The following PCLO variants were observed in gnomAD, a reference collection of about 807,000 sequenced individuals.
PCLO encodes protein piccolo.
PCLO carries 82 observed loss-of-function variants against 427.5 expected under a neutral mutation model. That is an observed-to-expected ratio of 0.19 (90% CI 0.16 to 0.23). The LOEUF is 0.23. Among genes scored for constraint, PCLO ranks in the 10% least tolerant of loss-of-function variants. The pLI is 1.00. For missense variants in PCLO, 6,239 were observed against 6,115.9 expected (o/e 1.02, Z -0.67); for synonymous variants, 2,357 against 2,155.4 (o/e 1.09, Z -2.59).
intron 6 of PCLO, among the ~76,000 whole-genome samples, chr7:82,946,979 T>C (rs969709478): frequency 3.9e-5 from 6 of 152,166 alleles, no homozygotes; most frequent in East Asian, 3.9e-4. Flanking sequence ...ATCCAAACTT[T>C]GTAAGGCAGC....
At chr7:83,056,870 T>A (rs940291639) in intron 3 of PCLO, among the ~76,000 whole-genome samples, 4 of 152,014 alleles carry the variant, frequency 2.6e-5, no homozygotes, top group Non-Finnish European at 5.9e-5. Flanking sequence ...GTCGTAAACA[T>A]TCCTTAAATA....
chr7:82,783,149 T>G (rs1326194200), intron 22 of PCLO, among the ~76,000 whole-genome samples: 1 of 152,230 alleles, frequency 6.6e-6, no homozygotes, highest in Non-Finnish European at 1.5e-5. Context: ...ATGTGAGAAC[T>G]AAACAGGCTT....
intron 3 of PCLO, among the ~76,000 whole-genome samples, chr7:83,005,381 C>G (rs936544443): frequency 1.3e-5 from 2 of 151,568 alleles, no homozygotes; most frequent in African/African-American, 4.8e-5. Context: ...CTCACAGAAA[C>G]AGAGAGCAGA....
chr7:82,824,149 G>T, intron 19 of PCLO, 87 bp downstream of exon 19: 1 of 854,818 alleles, frequency 1.2e-6, no homozygotes, highest in Non-Finnish European at 1.8e-6. Context: ...TATTAATATA[G>T]GTTAAATGTA....
At chr7:82,780,856 T>C (rs1450503606) in intron 22 of PCLO, among the ~76,000 whole-genome samples, 1 of 152,178 alleles carries the variant, frequency 6.6e-6, no homozygotes, top group African/African-American at 2.4e-5. Flanking sequence ...AAGCTTGAAA[T>C]TGTAAAAATT....
chr7:82,861,922 A>T (rs896988256), intron 10 of PCLO, among the ~76,000 whole-genome samples: 2 of 152,004 alleles, frequency 1.3e-5, no homozygotes, highest in East Asian at 3.9e-4. Flanking sequence ...CTTGAAACAA[A>T]CGATAATGGA....
In PCLO at chr7:83,043,513, C is replaced by T. The variant is rs11971376; in HGVS notation, c.3301-77026G>A. ...TTGATTATGTACATCCTCTTAAATT[C>T]CAACAAGGCATAAAAATTGCCAAAA... On this transcript the variant is annotated intron_variant, in intron 3 of 24. Coordinates refer to ENST00000333891, the MANE Select transcript of PCLO (RefSeq NM_033026.6). Among the ~76,000 whole-genome samples, 1,261 of 152,264 alleles carry T rather than the reference C, an allele frequency of 8.3e-3. 13 individuals carry two copies. The highest frequency in any genetic ancestry group is 0.029 in the African/African-American group (1,193 of 41,552).
chr7:82,865,714 T>C (rs942701151), intron 10 of PCLO, among the ~76,000 whole-genome samples: 2 of 152,126 alleles, frequency 1.3e-5, no homozygotes, highest in Admixed American at 6.6e-5. Context: ...AATGAACATA[T>C]TGAGATCATT....
At chr7:83,113,137 T>C (rs1433434839) in intron 3 of PCLO, among the ~76,000 whole-genome samples, 1 of 152,216 alleles carries the variant, frequency 6.6e-6, no homozygotes, top group East Asian at 1.9e-4. Context: ...TACTTCCTAA[T>C]CGTTACAGCA....
intron 4 of PCLO, among the ~76,000 whole-genome samples, chr7:82,965,044 T>C (rs971442125): frequency 2.6e-5 from 4 of 152,080 alleles, no homozygotes; most frequent in African/African-American, 7.2e-5. Context: ...ATATCAGAGT[T>C]CCACTGAAAA....
At chr7:82,760,559 A>G in intron 24 of PCLO, 80 bp downstream of exon 24, 1 of 900,544 alleles carries the variant, frequency 1.1e-6, no homozygotes, top group Non-Finnish European at 1.7e-6. Flanking sequence ...TGATCAGTAT[A>G]TAAATATTGA....
In PCLO at chr7:82,968,579, G is replaced by A. The variant is rs547982973; in HGVS notation, c.3301-2092C>T. On this transcript the variant is annotated intron_variant, in intron 3 of 24. Coordinates refer to ENST00000333891, the MANE Select transcript of PCLO (RefSeq NM_033026.6). ...TTTGTCACCAGGCTGGAGTGCAGTG[G>A]CTTGATCTTGGTTCACTGCAATCTC... 2.1e-4 allele frequency among the ~76,000 whole-genome samples: 30 copies of A among 145,764 alleles called. 1 individual carries two copies. Among genetic ancestry groups the A allele is most frequent in the Admixed American group, 7.0e-4 (10 of 14,256 alleles).
chr7:82,777,090 G>A, intron 22 of PCLO, among the ~76,000 whole-genome samples: 1 of 151,954 alleles, frequency 6.6e-6, no homozygotes, highest in Non-Finnish European at 1.5e-5. Flanking sequence ...ATTCTGGTAT[G>A]TTGTAACTTT....
intron 3 of PCLO, among the ~76,000 whole-genome samples, chr7:83,026,560 A>G (rs1307550072): frequency 6.6e-6 from 1 of 150,982 alleles, no homozygotes; most frequent in African/African-American, 2.4e-5. Context: ...ACAGAAAGTC[A>G]ACAAGGATAC....
At chr7:83,161,548 A>G (rs1792436755) in intron 1 of PCLO, among the ~76,000 whole-genome samples, 1 of 152,224 alleles carries the variant, frequency 6.6e-6, no homozygotes, top group South Asian at 2.1e-4. Context: ...CATATTACTG[A>G]TTAGCTCTTA....
intron 16 of PCLO, among the ~76,000 whole-genome samples, chr7:82,829,858 T>G (rs1486830692): frequency 6.6e-6 from 1 of 152,228 alleles, no homozygotes; most frequent in African/African-American, 2.4e-5. Flanking sequence ...TACATTGTGA[T>G]ATATTCATTT....
chr7:83,009,396 C>G (rs1788024627), intron 3 of PCLO, among the ~76,000 whole-genome samples: 1 of 151,766 alleles, frequency 6.6e-6, no homozygotes, highest in African/African-American at 2.4e-5. Flanking sequence ...GATTTGTGAG[C>G]AAGTTATTTA....
Position 82,918,556 on chromosome 7 carries a change from C to A in PCLO, c.11113-1683G>T, listed in dbSNP as rs541145208. 3.3e-5 allele frequency among the ~76,000 whole-genome samples: 5 copies of A among 152,046 alleles called. No individual in the cohort carries two copies. In the South Asian group the frequency reaches 1.0e-3, roughly 32 times the overall value. On this transcript the variant is annotated intron_variant, in intron 6 of 24. Coordinates refer to ENST00000333891, the MANE Select transcript of PCLO (RefSeq NM_033026.6). ...AGATCCTACAATAATTTTCTTGATACTAAAAATATTAACATAGATATGTCA... is the reference window on the plus strand; with the variant it reads ...AGATCCTACAATAATTTTCTTGATAATAAAAATATTAACATAGATATGTCA...
intron 1 of PCLO, 120 bp downstream of exon 1, chr7:83,162,225 G>C: frequency 8.4e-7 from 1 of 1,195,062 alleles, no homozygotes; most frequent in Non-Finnish European, 1.1e-6. Context: ...CCCCACTGGG[G>C]AGAATAAAAT....
Sources: allele counts gnomAD v4.1 joint callset (sites outside exome capture counted in the v4.1 genomes callset), GRCh38; gene constraint gnomAD v4.1.1; transcripts MANE v1.5; gene names NCBI Gene and HGNC (gene_info 2026-07-23, HGNC 2026-07-21).